Variants in NOX4 observed in about 807,000 individuals in gnomAD.
NOX4 encodes kidney oxidase-1.
Under a neutral mutation model 87.6 loss-of-function variants are expected in NOX4, and 69 were observed. The observed-to-expected ratio is 0.79, with a 90% confidence interval of 0.65 to 0.96. The LOEUF (loss-of-function observed/expected upper bound fraction) is 0.96, where lower values mean the gene tolerates loss of function less well. Ranked by LOEUF, NOX4 falls within the 40% of genes least tolerant of loss-of-function variation. NOX4 has a pLI of 0.00. For missense variants in NOX4, 680 were observed against 681.5 expected (o/e 1.00, Z 0.02); for synonymous variants, 275 against 238.2 (o/e 1.15, Z -1.42).
chr11:89,506,821 TA>T, the NOX4 span, among the ~76,000 whole-genome samples: 7 of 151,856 alleles, frequency 4.6e-5, no homozygotes, highest in African/African-American at 1.7e-4. Context: ...CAAACATAAC[TA>T]AACACCATTA....
At chr11:89,419,167 TG>T (rs1942953899) in intron 8 of NOX4, among the ~76,000 whole-genome samples, 1 of 152,072 alleles carries the variant, frequency 6.6e-6, no homozygotes, top group South Asian at 2.1e-4. Context: ...CTTTACCTTA[TG>T]GTACTTACCA....
rs1260527066 is a variant in NOX4, at chr11:89,331,735, A to G, written c.1616+4110T>C. 2.0e-5 allele frequency among the ~76,000 whole-genome samples: 3 copies of G among 151,578 alleles called. No homozygotes were observed. In the East Asian group the frequency reaches 5.8e-4, roughly 29 times the overall value. On this transcript the variant is annotated intron_variant, in intron 17 of 17. Coordinates refer to ENST00000263317, the MANE Select transcript of NOX4 (RefSeq NM_016931.5). ...AATAAAATCAAGTATTAATTATAAA[A>G]TAAATAATAATAAAAATCATTATTT...
intron 12 of NOX4, among the ~76,000 whole-genome samples, chr11:89,364,448 A>G (rs1938775385): frequency 6.6e-6 from 1 of 152,082 alleles, no homozygotes; most frequent in Non-Finnish European, 1.5e-5. Context: ...AAAAAACCCT[A>G]TCACTCGCAT....
intron 12 of NOX4, among the ~76,000 whole-genome samples, chr11:89,361,905 T>G (rs554075549): frequency 1.3e-5 from 2 of 152,236 alleles, no homozygotes; most frequent in South Asian, 2.1e-4. Context: ...AATCTCCATC[T>G]GTCACTTCCA....
intron 11 of NOX4, among the ~76,000 whole-genome samples, chr11:89,394,788 T>A (rs190998016): frequency 0.011 from 1,619 of 152,270 alleles, 19 homozygotes; most frequent in Non-Finnish European, 0.014. Context: ...TTGCTCAGAA[T>A]GATGGTTTCC....
chr11:89,349,061 G>T (rs1266469773), intron 13 of NOX4, among the ~76,000 whole-genome samples: 1 of 152,018 alleles, frequency 6.6e-6, no homozygotes, highest in Non-Finnish European at 1.5e-5. Flanking sequence ...GACCAAGACG[G>T]GTAGATCACC....
the NOX4 span, among the ~76,000 whole-genome samples, chr11:89,534,743 T>G: frequency 1.3e-5 from 2 of 152,182 alleles, no homozygotes; most frequent in Non-Finnish European, 2.9e-5. Flanking sequence ...TGCCCTGGAG[T>G]CTTGCCTGAA....
chr11:89,422,042 C>A, intron 7 of NOX4, 60 bp from the exon 8 acceptor site: 1 of 868,506 alleles, frequency 1.2e-6, no homozygotes, highest in South Asian at 1.7e-5. Context: ...CTAAAAATAT[C>A]AAAAATACCA....
At chr11:89,555,017 T>G in the NOX4 span, among the ~76,000 whole-genome samples, 2 of 152,180 alleles carry the variant, frequency 1.3e-5, no homozygotes, top group Non-Finnish European at 2.9e-5. Flanking sequence ...AAAATTTATC[T>G]TTTTAAAAAT....
chr11:89,469,493 A>C (rs997438401), intron 2 of NOX4, among the ~76,000 whole-genome samples: 1 of 152,230 alleles, frequency 6.6e-6, no homozygotes, highest in Non-Finnish European at 1.5e-5. Context: ...TAATCAAACC[A>C]AATGATGCCC....
chr11:89,390,314 C>A (rs563494872), intron 11 of NOX4, among the ~76,000 whole-genome samples: 1 of 152,126 alleles, frequency 6.6e-6, no homozygotes, highest in African/African-American at 2.4e-5. Context: ...GGGGATAGTA[C>A]AAATGAGCGA....
chr11:89,371,812 A>T (rs1212223754), intron 12 of NOX4, among the ~76,000 whole-genome samples: 1 of 151,904 alleles, frequency 6.6e-6, no homozygotes, highest in Non-Finnish European at 1.5e-5. Flanking sequence ...TCTGAAAATT[A>T]TCCATGTAAG....
At chr11:89,582,012 C>A in the NOX4 span, among the ~76,000 whole-genome samples, 2 of 152,096 alleles carry the variant, frequency 1.3e-5, no homozygotes, top group Admixed American at 6.6e-5. Context: ...ACCCTTTGAC[C>A]AATACTTCCC....
chr11:89,491,541 C>T (rs944418009), upstream of NOX4: 2 of 421,036 alleles, frequency 4.8e-6, no homozygotes, highest in Non-Finnish European at 4.2e-6. Flanking sequence ...CAGTCTGCTC[C>T]GCCGCGCCGG....
At chr11:89,364,910 G>T (rs1938830237) in intron 12 of NOX4, among the ~76,000 whole-genome samples, 1 of 152,022 alleles carries the variant, frequency 6.6e-6, no homozygotes, top group Admixed American at 6.6e-5. Flanking sequence ...TTGTCTCAAG[G>T]TCACATGGCT....
At chr11:89,378,996 A>T (rs1185698958) in intron 11 of NOX4, among the ~76,000 whole-genome samples, 1 of 152,230 alleles carries the variant, frequency 6.6e-6, no homozygotes, top group East Asian at 1.9e-4. Flanking sequence ...AATATATTCA[A>T]TATTAAAAAG....
intron 2 of NOX4, among the ~76,000 whole-genome samples, chr11:89,482,460 C>T (rs184633213): frequency 1.8e-3 from 280 of 151,880 alleles, no homozygotes; most frequent in African/African-American, 6.6e-3. Flanking sequence ...TGACTGGTGC[C>T]CTTATAAGAA....
chr11:89,387,753 T>C (rs1362501284), intron 11 of NOX4, among the ~76,000 whole-genome samples: 5 of 152,314 alleles, frequency 3.3e-5, no homozygotes, highest in Non-Finnish European at 5.9e-5. Flanking sequence ...CTAGGTTTCT[T>C]GCTCTCTTAC....
intron 13 of NOX4, among the ~76,000 whole-genome samples, chr11:89,345,013 T>C (rs1946155457): frequency 6.6e-6 from 1 of 152,236 alleles, no homozygotes; most frequent in Non-Finnish European, 1.5e-5. Flanking sequence ...GAGGATGGTA[T>C]GGCAGTTTTA....
Sources: allele counts gnomAD v4.1 joint callset (sites outside exome capture counted in the v4.1 genomes callset), GRCh38; gene constraint gnomAD v4.1.1; transcripts MANE v1.5; gene names NCBI Gene and HGNC (gene_info 2026-07-23, HGNC 2026-07-21).